The following COPS2 variants were observed in gnomAD, a reference collection of about 807,000 sequenced individuals.
COPS2 encodes the protein COP9 signalosome complex subunit 2.
Under a neutral mutation model 66.1 loss-of-function variants are expected in COPS2, and 10 were observed. That is an observed-to-expected ratio of 0.15 (90% CI 0.09 to 0.26). The LOEUF is 0.26. Ranked by LOEUF, COPS2 falls within the 10% of genes least tolerant of loss-of-function variation. The pLI is 1.00. For synonymous variants in COPS2, 179 were observed against 171.3 expected, an observed-to-expected ratio of 1.04 and a Z score of -0.35; for missense variants, 215 against 513.3, an observed-to-expected ratio of 0.42 and a Z score of 5.62.
At chr15:49,149,081 G>A (rs950673006) in intron 1 of COPS2, among the ~76,000 whole-genome samples, 9 of 152,056 alleles carry the variant, frequency 5.9e-5, no homozygotes, top group African/African-American at 2.2e-4. Flanking sequence ...AGCAAATTAT[G>A]AAAAATAATC....
chr15:49,133,009 G>T (rs1182246628), intron 9 of COPS2, among the ~76,000 whole-genome samples: 1 of 123,972 alleles, frequency 8.1e-6, no homozygotes, highest in Non-Finnish European at 1.7e-5. Context: ...TTTTTTTTGA[G>T]ACGGAGTCTT....
intron 3 of COPS2, among the ~76,000 whole-genome samples, chr15:49,143,358 T>C (rs1343077634): frequency 6.6e-6 from 1 of 152,166 alleles, no homozygotes; most frequent in Non-Finnish European, 1.5e-5. Context: ...ACTTACATTT[T>C]AAAAGGATCA....
At chr15:49,133,871 G>A (rs2084233571) in intron 8 of COPS2, 59 bp downstream of exon 8, 2 of 1,545,718 alleles carry the variant, frequency 1.3e-6, no homozygotes, top group Non-Finnish European at 1.7e-6. Flanking sequence ...TTTAAAAAAA[G>A]AAATAACATT....
chr15:49,128,144 AG>A, intron 12 of COPS2, 50 bp from the exon 13 acceptor site: 1 of 1,563,842 alleles, frequency 6.4e-7, no homozygotes, highest in Non-Finnish European at 8.7e-7. Context: ...CATCAAGCAC[AG>A]TTTCTGGATT....
At chr15:49,148,895 G>T (rs1442550766) in intron 1 of COPS2, among the ~76,000 whole-genome samples, 1 of 152,188 alleles carries the variant, frequency 6.6e-6, no homozygotes, top group African/African-American at 2.4e-5. Context: ...GGTAACACAT[G>T]ATGCCATTAC....
At chr15:49,139,287 G>T in intron 4 of COPS2, 1 of 368,626 alleles carries the variant, frequency 2.7e-6, no homozygotes, top group Non-Finnish European at 4.9e-6. Flanking sequence ...CTGAAAAGTT[G>T]TTTACAGATT....
At chr15:49,155,382 G>A (rs1385253300) in intron 1 of COPS2, 143 bp downstream of exon 1, 1 of 710,816 alleles carries the variant, frequency 1.4e-6, no homozygotes, top group Non-Finnish European at 2.4e-6. Context: ...CGGGAACGGG[G>A]AGGAGGTAAA....
In COPS2 at chr15:49,126,515, CA is replaced by C. The variant is rs756295242; in HGVS notation, c.*1434del. On this transcript the variant is annotated 3_prime_UTR_variant, in exon 13 of 13. Transcript: ENST00000388901. Reference sequence around the variant, plus strand: ...CTTCTGAACTGCCACCCAGTTTTTACATAATAATAACAAGCAATAGAAAAAC... The same window carrying C: ...CTTCTGAACTGCCACCCAGTTTTTACTAATAATAACAAGCAATAGAAAAAC... The C allele has an allele frequency of 6.6e-6, 1 of 152,562 alleles. No individual in the cohort carries two copies. The highest frequency in any genetic ancestry group is 1.9e-4 in the East Asian group (1 of 5,184). 9.5% of individuals were successfully genotyped at this position (152,562 alleles called of 1,614,324 possible). A position where few individuals can be genotyped will look rare whatever the true frequency, so the allele number is the denominator to read the frequency against.
intron 3 of COPS2, among the ~76,000 whole-genome samples, chr15:49,142,007 C>T (rs977998982): frequency 2.0e-5 from 3 of 152,150 alleles, no homozygotes; most frequent in Non-Finnish European, 4.4e-5. Context: ...CCTAATGGCA[C>T]TATAATTGTT....
Position 49,130,738 on chromosome 15 carries a change from G to T in COPS2, c.1026C>A (p.Phe342Leu). ...TNHSNIMDDP[F>L]IREHIEELLR... ...ACATACCTTCAATGTGTTCTCTTATGAAAGGATCATCCATGATGTTGCTGT... is the reference window on the plus strand; with the variant it reads ...ACATACCTTCAATGTGTTCTCTTATTAAAGGATCATCCATGATGTTGCTGT... Residue 342 changes from phenylalanine (F) to leucine (L), a missense_variant, in exon 10 of 13, where the codon TTC becomes TTA. Transcript: ENST00000388901. 6.3e-7 allele frequency: 1 copy of T among 1,599,204 alleles called. No individual in the cohort carries two copies. Among genetic ancestry groups the T allele is most frequent in the Non-Finnish European group, 8.6e-7 (1 of 1,167,582 alleles).
chr15:49,144,555 T>C (rs1398083476), intron 2 of COPS2, among the ~76,000 whole-genome samples: 2 of 152,224 alleles, frequency 1.3e-5, no homozygotes, highest in African/African-American at 4.8e-5. Context: ...TATTATATAG[T>C]TTCTGAAATA....
chr15:49,151,576 C>A (rs1485251386), intron 1 of COPS2, among the ~76,000 whole-genome samples: 1 of 152,090 alleles, frequency 6.6e-6, no homozygotes, highest in East Asian at 1.9e-4. Context: ...TTATCAATGG[C>A]CTTACCAACT....
chr15:49,129,431 A>G (rs2084193476), intron 11 of COPS2, 46 bp downstream of exon 11: 1 of 817,328 alleles, frequency 1.2e-6, no homozygotes. Flanking sequence ...TACTGCATTT[A>G]TAACTATAAA....
chr15:49,144,178 TTTTACCTACAAAA>T, intron 3 of COPS2, 36 bp downstream of exon 3: 3 of 1,231,964 alleles, frequency 2.4e-6, no homozygotes. Flanking sequence ...GTGATGAGGT[TTTTACCTACAAAA>T]TTTATTAGTT....
chr15:49,127,884 C>G lies in COPS2; in HGVS notation c.*66G>C. The G allele has an allele frequency of 6.7e-7, 1 of 1,492,968 alleles. No homozygotes were observed. Among genetic ancestry groups the G allele is most frequent in the Non-Finnish European group, 9.1e-7 (1 of 1,104,318 alleles). The allele number at this position is 1,492,968 out of a possible 1,614,324, so 92.5% of individuals were successfully genotyped here. A position where few individuals can be genotyped will look rare whatever the true frequency, so the allele number is the denominator to read the frequency against. On this transcript the variant is annotated 3_prime_UTR_variant, in exon 13 of 13. Coordinates refer to ENST00000388901, the MANE Select transcript of COPS2 (RefSeq NM_004236.4). ...CAACCGACAGTAGTTTTGCCATTCC[C>G]AGTTCTTTTAAGGATTACATCTCTG...
chr15:49,140,075 C>T (rs961938180), intron 3 of COPS2, among the ~76,000 whole-genome samples: 2 of 152,138 alleles, frequency 1.3e-5, no homozygotes, highest in Admixed American at 6.5e-5. Flanking sequence ...CAACCTCCGC[C>T]TCCCAGGTTC....
chr15:49,141,360 G>C (rs1159104928), intron 3 of COPS2, among the ~76,000 whole-genome samples: 1 of 152,122 alleles, frequency 6.6e-6, no homozygotes, highest in Non-Finnish European at 1.5e-5. Context: ...AGTCAGGTGT[G>C]GTGGCATGCG....
chr15:49,152,659 T>C (rs1250087034), intron 1 of COPS2, among the ~76,000 whole-genome samples: 1 of 152,002 alleles, frequency 6.6e-6, no homozygotes, highest in Non-Finnish European at 1.5e-5. Context: ...CCGCCTCTAA[T>C]AAAAACACAA....
intron 9 of COPS2, among the ~76,000 whole-genome samples, chr15:49,131,354 C>T (rs149876671): frequency 1.5e-4 from 23 of 151,578 alleles, no homozygotes; most frequent in African/African-American, 5.6e-4. Context: ...TCAAAAGGAA[C>T]ATTTCTCAAT....
Sources: allele counts gnomAD v4.1 joint callset (sites outside exome capture counted in the v4.1 genomes callset), GRCh38; gene constraint gnomAD v4.1.1; transcripts MANE v1.5; gene names NCBI Gene and HGNC (gene_info 2026-07-23, HGNC 2026-07-21).